The following AQR variants were observed in gnomAD, a reference collection of about 807,000 sequenced individuals.
AQR encodes aquarius intron-binding spliceosomal factor.
Under a neutral mutation model 180.5 loss-of-function variants are expected in AQR, and 61 were observed. The ratio of observed to expected loss-of-function variants is 0.34; its 90% CI spans 0.28 to 0.42. The LOEUF (loss-of-function observed/expected upper bound fraction) is 0.42, where lower values mean the gene tolerates loss of function less well. Ranked by LOEUF, AQR falls within the 10% of genes least tolerant of loss-of-function variation. AQR has a pLI of 1.00. For missense variants in AQR, 1,281 were observed against 1,798.3 expected (o/e 0.71, Z 5.20); for synonymous variants, 551 against 588.8 (o/e 0.94, Z 0.93).
intron 23 of AQR, among the ~76,000 whole-genome samples, chr15:34,892,250 A>C (rs986482963): frequency 1.3e-5 from 2 of 152,190 alleles, no homozygotes; most frequent in Admixed American, 1.3e-4. Context: ...AGAATGACTA[A>C]AGTAGAATAC....
At chr15:34,906,788 CCTCT>C (rs1381416408) in intron 17 of AQR, 76 bp from the exon 18 acceptor site, 2 of 1,393,362 alleles carry the variant, frequency 1.4e-6, no homozygotes, top group African/African-American at 1.4e-5. Context: ...TTCTTATTTG[CCTCT>C]CTACCTCTTA....
At position 34,969,708 on chromosome 15, in the gene AQR, T is replaced by C. The variant is rs2140513319; in HGVS notation, c.-95A>G. 8.5e-6 allele frequency: 11 copies of C among 1,287,704 alleles called. No homozygotes were observed. In the South Asian group the frequency reaches 1.4e-4, roughly 16 times the overall value. The allele number at this position is 1,287,704 out of a possible 1,614,324, so 79.8% of individuals were successfully genotyped here. On this transcript the variant is annotated 5_prime_UTR_variant, in exon 1 of 35. Transcript: ENST00000156471. The stretch of plus-strand genomic sequence containing the variant: ...TTCCCTTAAGTTACTGCCGGGGCGC[T>C]TAACTCCGCGCCGCACAAACGCTCC...
At position 34,906,576 on chromosome 15, in the gene AQR, C is replaced by T; in HGVS notation, c.1800G>A (p.Met600Ile). Residue 600 changes from methionine to isoleucine, a missense_variant, in exon 18 of 35, where the codon ATG becomes ATA. Around this residue, in one of 9 missense-constraint regions of AQR, gnomAD observed 200 missense variants for 293.4 expected, o/e 0.68. Transcript: ENST00000156471. ...CAATGACACGTCCTTTATCATCCAG[C>T]ATGCCCTGAATTTCACAGCCTCTGA... is the stretch of plus-strand genomic sequence containing the variant. ...VYVRGCEIQG[M>I]LDDKGRVIED... 1 of 1,614,098 alleles carries T rather than the reference C, an allele frequency of 6.2e-7. No individual in the cohort carries two copies. Among genetic ancestry groups the T allele is most frequent in the Non-Finnish European group, 8.5e-7 (1 of 1,179,968 alleles).
intron 34 of AQR, among the ~76,000 whole-genome samples, chr15:34,858,567 G>A (rs1892624737): frequency 6.6e-6 from 1 of 152,126 alleles, no homozygotes; most frequent in African/African-American, 2.4e-5. Flanking sequence ...GCATGCTTTT[G>A]GGGGTAGAAA....
At chr15:34,915,661 T>C (rs1156632210) in intron 15 of AQR, among the ~76,000 whole-genome samples, 1 of 151,514 alleles carries the variant, frequency 6.6e-6, no homozygotes, top group Non-Finnish European at 1.5e-5. Context: ...GAATTAGGGG[T>C]GAGGCCGGGC....
At chr15:34,900,449 G>A (rs1893314856) in intron 20 of AQR, among the ~76,000 whole-genome samples, 173 bp downstream of exon 20, 1 of 152,166 alleles carries the variant, frequency 6.6e-6, no homozygotes, top group Admixed American at 6.5e-5. Flanking sequence ...TCTGCAGTAA[G>A]AAATAGATTC....
chr15:34,882,713 G>T, intron 26 of AQR, 74 bp from the exon 27 acceptor site: 1 of 1,261,534 alleles, frequency 7.9e-7, no homozygotes, highest in South Asian at 2.3e-5. Context: ...AATCCAGTCA[G>T]ACTTAATTCC....
At chr15:34,954,748 G>C (rs1200221681) in intron 3 of AQR, among the ~76,000 whole-genome samples, 2 of 152,066 alleles carry the variant, frequency 1.3e-5, no homozygotes. Flanking sequence ...CAGATAAAGT[G>C]AACAGCTTAA....
At position 34,882,718 on chromosome 15, in the gene AQR, A is replaced by T. The variant is rs59931821; in HGVS notation, c.3028-79T>A. The T allele has an allele frequency of 4.3e-3, 5,259 of 1,217,636 alleles. 177 individuals are homozygous for T. The African/African-American group carries it at 0.073, about 17-fold the overall frequency. 75.4% of individuals were successfully genotyped at this position (1,217,636 alleles called of 1,614,324 possible). A position where few individuals can be genotyped will look rare whatever the true frequency, so the allele number is the denominator to read the frequency against. ...ATAACCATACAATCCAGTCAGACTT[A>T]ATTCCTGAGAAATTAACATAAATAT... is the stretch of plus-strand genomic sequence containing the variant. On this transcript the variant is annotated intron_variant, in intron 26 of 34. Coordinates refer to ENST00000156471, the MANE Select transcript of AQR (RefSeq NM_014691.3).
At chr15:34,958,032 C>A (rs1894350770) in intron 3 of AQR, among the ~76,000 whole-genome samples, 2 of 151,284 alleles carry the variant, frequency 1.3e-5, no homozygotes, top group African/African-American at 2.4e-5. Flanking sequence ...CATGGTGAAA[C>A]CCTGTCTCTA....
intron 28 of AQR, 73 bp downstream of exon 28, chr15:34,875,862 G>T: frequency 4.1e-6 from 5 of 1,224,616 alleles, no homozygotes; most frequent in Non-Finnish European, 6.0e-6. Flanking sequence ...CACCCAAACT[G>T]TACAACTTTC....
At chr15:34,898,792 GA>G (rs1893286181) in intron 20 of AQR, among the ~76,000 whole-genome samples, 1 of 151,808 alleles carries the variant, frequency 6.6e-6, no homozygotes. Context: ...GCTGAGGCAG[GA>G]GAATGGCGTG....
chr15:34,902,927 A>G (rs1893354490), intron 19 of AQR, among the ~76,000 whole-genome samples: 1 of 152,160 alleles, frequency 6.6e-6, no homozygotes, highest in African/African-American at 2.4e-5. Context: ...TTGCTTTCTA[A>G]TGAAGAATTC....
chr15:34,872,997 G>A (rs1168266941), intron 30 of AQR, among the ~76,000 whole-genome samples: 5 of 151,976 alleles, frequency 3.3e-5, no homozygotes, highest in Admixed American at 3.3e-4. Context: ...ATGAGATACT[G>A]TAGATATACT....
chr15:34,934,223 G>A (rs577028491), intron 10 of AQR, among the ~76,000 whole-genome samples: 72 of 150,538 alleles, frequency 4.8e-4, no homozygotes, highest in South Asian at 6.3e-4. Flanking sequence ...GTATTTTATT[G>A]TATTGTATTA....
At chr15:34,952,060 C>A (rs888051010) in intron 4 of AQR, among the ~76,000 whole-genome samples, 3 of 152,206 alleles carry the variant, frequency 2.0e-5, no homozygotes, top group Non-Finnish European at 4.4e-5. Context: ...ATAAGACCAT[C>A]TACTTCATGT....
At position 34,856,906 on chromosome 15, in the gene AQR, T is replaced by C. The variant is rs772939856; in HGVS notation, c.4344A>G (p.Pro1448=). The part of the protein sequence containing the change: ...TPSETGATST[P]EAIPALSETT... ...TCTCAGATAAAGCAGGGATGGCTTC[T>C]GGAGTGGAAGTGGCTCCTGTCTCAC... The change falls in exon 35 of 35, where the codon CCA becomes CCG. Residue 1448 remains proline (P), a synonymous_variant. Transcript: ENST00000156471. The C allele has an allele frequency of 6.2e-7, 1 of 1,614,092 alleles. No individual in the cohort carries two copies. The highest frequency in any genetic ancestry group is 1.1e-5 in the South Asian group (1 of 91,066).
rs781775827 is a variant in AQR at position 34,857,121 on chromosome 15, A to C, written c.4144-15T>G. On this transcript the variant is annotated splice_polypyrimidine_tract_variant and intron_variant, in intron 34 of 34. Coordinates refer to ENST00000156471, the MANE Select transcript of AQR (RefSeq NM_014691.3). Reference sequence around the variant, plus strand: ...TGTAATAAAGTCTAATTAAAAAAAAAAAAACAAAGACAATACCAATATGAA... The same window carrying C: ...TGTAATAAAGTCTAATTAAAAAAAACAAAACAAAGACAATACCAATATGAA... 3.9e-6 allele frequency: 6 copies of C among 1,535,998 alleles called. No homozygotes were observed. Among genetic ancestry groups the C allele is most frequent in the South Asian group, 1.3e-5 (1 of 78,596 alleles).
intron 6 of AQR, among the ~76,000 whole-genome samples, chr15:34,943,668 C>T (rs1894064829): frequency 6.6e-6 from 1 of 152,030 alleles, no homozygotes; most frequent in African/African-American, 2.4e-5. Context: ...AGTGAATTAT[C>T]AATTCAGAGG....
Sources: gnomAD v4.1 joint callset for allele counts (sites outside exome capture counted in the v4.1 genomes callset) on GRCh38, gnomAD v4.1.1 for gene constraint, gnomAD v4.1.1 regional missense constraint, MANE v1.5 for transcripts, NCBI Gene and HGNC (gene_info 2026-07-23, HGNC 2026-07-21) for gene names.